ADGRB3: variants seen among roughly 807,000 people sequenced by gnomAD.
ADGRB3 encodes the protein adhesion G protein-coupled receptor B3, also known as brain-specific angiogenesis inhibitor 3.
In ADGRB3, 37 loss-of-function variants were observed where a neutral mutation model predicts 193.4. That is an observed-to-expected ratio of 0.19 (90% CI 0.15 to 0.25). The LOEUF (loss-of-function observed/expected upper bound fraction) is 0.25, where lower values mean the gene tolerates loss of function less well. Among genes scored for constraint, ADGRB3 ranks in the 10% least tolerant of loss-of-function variants. ADGRB3 has a pLI of 1.00. For synonymous variants in ADGRB3, 690 were observed against 644.2 expected (o/e 1.07, Z -1.08); for missense variants, 1,637 against 1,852.9 (o/e 0.88, Z 2.14).
chr6:69,215,130 T>A (rs770551444), intron 17 of ADGRB3, among the ~76,000 whole-genome samples: 1 of 152,130 alleles, frequency 6.6e-6, no homozygotes, highest in African/African-American at 2.4e-5. Flanking sequence ...GGAGATAACA[T>A]GGCAATGCAG....
intron 3 of ADGRB3, among the ~76,000 whole-genome samples, chr6:68,772,945 AAAAAT>A (rs1562023527): frequency 2.3e-4 from 9 of 39,538 alleles, no homozygotes; most frequent in Non-Finnish European, 3.8e-4. Flanking sequence ...ATACACACAC[AAAAAT>A]AAAAAATAAA....
chr6:68,804,907 T>G (rs1767374616), intron 3 of ADGRB3, among the ~76,000 whole-genome samples: 3 of 152,034 alleles, frequency 2.0e-5, no homozygotes, highest in Admixed American at 1.3e-4. Flanking sequence ...TTTCCCACAG[T>G]ATTTTTTTAA....
chr6:68,823,005 G>T (rs528664269), intron 3 of ADGRB3, among the ~76,000 whole-genome samples: 5 of 151,976 alleles, frequency 3.3e-5, no homozygotes. Context: ...CAAGCACAAA[G>T]ATGATTGCTA....
chr6:68,679,669 T>C (rs997997667), intron 3 of ADGRB3, among the ~76,000 whole-genome samples: 4 of 152,052 alleles, frequency 2.6e-5, no homozygotes, highest in African/African-American at 7.2e-5. Flanking sequence ...TATATTGAGG[T>C]TTAGACTGAG....
intron 5 of ADGRB3, among the ~76,000 whole-genome samples, chr6:68,939,476 A>T (rs1268752342): frequency 2.0e-5 from 3 of 152,128 alleles, no homozygotes; most frequent in Non-Finnish European, 4.4e-5. Flanking sequence ...CATTGAGAAG[A>T]AGTTTATCTT....
At chr6:68,846,314 A>AT (rs1014876947) in intron 3 of ADGRB3, among the ~76,000 whole-genome samples, 14 of 152,272 alleles carry the variant, frequency 9.2e-5, no homozygotes, top group African/African-American at 3.1e-4. Context: ...ATAAAAGCCC[A>AT]TTTTTCTGGG....
intron 28 of ADGRB3, among the ~76,000 whole-genome samples, chr6:69,356,453 G>T (rs777817953): frequency 6.6e-6 from 1 of 152,024 alleles, no homozygotes; most frequent in Non-Finnish European, 1.5e-5. Context: ...TCTTAAAATG[G>T]AAGGACTGTA....
intron 17 of ADGRB3, among the ~76,000 whole-genome samples, chr6:69,132,759 G>T (rs1259017053): frequency 6.6e-6 from 1 of 152,072 alleles, no homozygotes; most frequent in Non-Finnish European, 1.5e-5. Context: ...ATGGTTTTAG[G>T]TCTTATGTTT....
Position 69,382,888 on chromosome 6 carries a change from T to G in ADGRB3, c.4333T>G (p.Phe1445Val). 2 of 1,609,454 alleles carry G rather than the reference T, an allele frequency of 1.2e-6. No individual in the cohort carries two copies. Among genetic ancestry groups the G allele is most frequent in the Non-Finnish European group, 1.7e-6 (2 of 1,177,528 alleles). Reference sequence around the variant, plus strand: ...ACTATTTCAAGAACTAAATCAGAAATTTCAAACTTTGGACAGATTTCGGGA... The same window carrying G: ...ACTATTTCAAGAACTAAATCAGAAAGTTCAAACTTTGGACAGATTTCGGGA... Reference protein sequence around the residue: ...MELFQELNQKFQTLDRFRDIP... With the variant: ...MELFQELNQKVQTLDRFRDIP... Residue 1445 changes from phenylalanine (F) to valine (V), a missense_variant, in exon 31 of 32, where the codon TTT becomes GTT. By Grantham distance (50) the Phe-to-Val change is conservative (BLOSUM62 -1). This residue lies in a region of ADGRB3 where 368 missense variants were observed against 367.4 expected (regional missense o/e 1.00). Transcript: ENST00000370598.
intron 15 of ADGRB3, among the ~76,000 whole-genome samples, chr6:69,056,901 C>A (rs528804550): frequency 1.3e-5 from 2 of 152,202 alleles, no homozygotes; most frequent in South Asian, 4.1e-4. Context: ...CTTAAGACTG[C>A]TCCAGCTGTC....
chr6:69,022,352 A>G (rs1770294533), intron 13 of ADGRB3, among the ~76,000 whole-genome samples: 1 of 151,874 alleles, frequency 6.6e-6, no homozygotes, highest in South Asian at 2.1e-4. Flanking sequence ...CTGGAGGGCC[A>G]TATCTTTATA....
intron 3 of ADGRB3, among the ~76,000 whole-genome samples, chr6:68,839,072 TCTCTCTGTCA>T (rs1768099530): frequency 7.6e-6 from 1 of 131,882 alleles, no homozygotes; most frequent in Admixed American, 7.7e-5. Context: ...TCTCTCTCTG[TCTCTCTGTCA>T]CACACACACA....
chr6:69,333,901 G>A (rs1768781206), intron 24 of ADGRB3, among the ~76,000 whole-genome samples: 1 of 149,488 alleles, frequency 6.7e-6, no homozygotes, highest in Non-Finnish European at 1.5e-5. Flanking sequence ...CTGCACTCCA[G>A]CCTGGGCGAC....
intron 17 of ADGRB3, among the ~76,000 whole-genome samples, chr6:69,195,806 C>T (rs1392882302): frequency 2.0e-5 from 3 of 152,108 alleles, no homozygotes; most frequent in South Asian, 2.1e-4. Context: ...GCCTATGCCA[C>T]GTTTCTCAAT....
chr6:68,760,276 C>G (rs2127350863), intron 3 of ADGRB3, among the ~76,000 whole-genome samples: 2 of 152,298 alleles, frequency 1.3e-5, no homozygotes, highest in East Asian at 3.9e-4. Flanking sequence ...CACATACACA[C>G]AACTCAAGGA....
intron 13 of ADGRB3, among the ~76,000 whole-genome samples, chr6:69,025,653 G>A (rs1770412004): frequency 6.6e-6 from 1 of 151,552 alleles, no homozygotes; most frequent in Non-Finnish European, 1.5e-5. Context: ...AACACCTGAA[G>A]CTAGTGGGTA....
At chr6:69,184,373 G>A (rs962208645) in intron 17 of ADGRB3, among the ~76,000 whole-genome samples, 2 of 151,858 alleles carry the variant, frequency 1.3e-5, no homozygotes, top group African/African-American at 2.4e-5. Flanking sequence ...TCCCTCCAAC[G>A]CTAATAAAAG....
At position 68,639,255 on chromosome 6, in the gene ADGRB3, A is replaced by G. The variant is rs1317031265; in HGVS notation, c.580A>G (p.Thr194Ala). The G allele has an allele frequency of 7.4e-6, 12 of 1,614,188 alleles. No individual in the cohort carries two copies. Among genetic ancestry groups the G allele is most frequent in the Non-Finnish European group, 1.0e-5 (12 of 1,180,046 alleles). ...AACAGAATCATGTGGGATCATGTAT[A>G]CAAAATGCACCTGCCCTCAGCATTT... is the stretch of plus-strand genomic sequence containing the variant. ...GRTESCGIMY[T>A]KCTCPQHLGE... Residue 194 changes from threonine to alanine, a missense_variant, in exon 3 of 32, where the codon ACA becomes GCA. Around this residue, in one of 7 missense-constraint regions of ADGRB3, gnomAD observed 365 missense variants for 409.8 expected, o/e 0.89. Coordinates refer to ENST00000370598, the MANE Select transcript of ADGRB3 (RefSeq NM_001704.3).
At chr6:69,346,872 A>G (rs1375217180) in intron 26 of ADGRB3, among the ~76,000 whole-genome samples, 1 of 152,214 alleles carries the variant, frequency 6.6e-6, no homozygotes, top group African/African-American at 2.4e-5. Flanking sequence ...CGAAAGGATT[A>G]TACATCACTC....
Sources: gnomAD v4.1 joint callset for allele counts (sites outside exome capture counted in the v4.1 genomes callset) on GRCh38, gnomAD v4.1.1 for gene constraint, gnomAD v4.1.1 regional missense constraint, MANE v1.5 for transcripts, NCBI Gene and HGNC (gene_info 2026-07-23, HGNC 2026-07-21) for gene names.